The following JAZF1 variants were observed in gnomAD, a reference collection of about 807,000 sequenced individuals.
JAZF1 encodes the protein juxtaposed with another zinc finger protein 1.
Under a neutral mutation model 26.4 loss-of-function variants are expected in JAZF1, and 8 were observed. That is an observed-to-expected ratio of 0.30 (90% CI 0.18 to 0.55). The LOEUF is 0.55. Among genes scored for constraint, JAZF1 ranks in the 20% least tolerant of loss-of-function variants. The probability of loss-of-function intolerance (pLI) is 0.94; values close to 1 mark genes in which losing one functional copy is unlikely to be tolerated. For missense variants in JAZF1, 199 were observed against 322.0 expected (o/e 0.62, Z 2.92); for synonymous variants, 126 against 122.3 (o/e 1.03, Z -0.20).
intron 1 of JAZF1, among the ~76,000 whole-genome samples, chr7:28,021,608 G>A (rs1392773573): frequency 1.3e-5 from 2 of 152,180 alleles, no homozygotes. Context: ...TGTGGACGTA[G>A]GACAAACAAA....
intron 3 of JAZF1, among the ~76,000 whole-genome samples, chr7:27,861,399 A>G (rs1202880954): frequency 6.6e-6 from 1 of 150,584 alleles, no homozygotes; most frequent in Admixed American, 6.6e-5. Context: ...TAATCCTCTC[A>G]TATTCTTATC....
At chr7:28,123,083 C>T (rs746845334) in intron 1 of JAZF1, among the ~76,000 whole-genome samples, 1 of 152,118 alleles carries the variant, frequency 6.6e-6, no homozygotes, top group African/African-American at 2.4e-5. Context: ...TTTCCAGCTA[C>T]GTCACCCTGC....
intron 1 of JAZF1, among the ~76,000 whole-genome samples, chr7:28,126,266 G>C (rs1443753048): frequency 1.3e-5 from 2 of 152,174 alleles, no homozygotes; most frequent in African/African-American, 4.8e-5. Flanking sequence ...GCCAGGCAAT[G>C]ATCTTAGGGA....
intron 2 of JAZF1, among the ~76,000 whole-genome samples, chr7:27,935,587 G>A (rs1483371790): frequency 6.6e-6 from 1 of 152,164 alleles, no homozygotes; most frequent in East Asian, 1.9e-4. Flanking sequence ...TGGTTTGAGA[G>A]ATGACAAAAA....
Position 28,045,320 on chromosome 7 carries a change from A to T in JAZF1, c.116-53339T>A, listed in dbSNP as rs527964920. 5.9e-5 allele frequency among the ~76,000 whole-genome samples: 9 copies of T among 152,296 alleles called. No homozygotes were observed. The South Asian group carries it at 6.2e-4, about 11-fold the overall frequency. ...TTTCTTCTTCACCCAATTCAACCCAACCTGAATAACAAAAGAAGGGGAAGC... is the reference window on the plus strand; with the variant it reads ...TTTCTTCTTCACCCAATTCAACCCATCCTGAATAACAAAAGAAGGGGAAGC... On this transcript the variant is annotated intron_variant, in intron 1 of 4. Transcript: ENST00000283928.
chr7:28,009,960 G>A (rs1039194748), intron 1 of JAZF1, among the ~76,000 whole-genome samples: 17 of 152,178 alleles, frequency 1.1e-4, no homozygotes, highest in Admixed American at 1.3e-4. Flanking sequence ...TACATGATAA[G>A]AGATTTAGGT....
At chr7:27,989,352 G>T (rs115716454) in intron 2 of JAZF1, among the ~76,000 whole-genome samples, 3,605 of 152,208 alleles carry the variant, frequency 0.024, 138 homozygotes, top group African/African-American at 0.08. Context: ...AGAAACCTAG[G>T]CAATAGCATT....
chr7:27,896,681 C>G lies in JAZF1; in HGVS notation c.189-1265G>C, dbSNP rs145374744. Among the ~76,000 whole-genome samples, 237 of 152,336 alleles carry G rather than the reference C, an allele frequency of 1.6e-3. 2 individuals are homozygous for G. Among genetic ancestry groups the G allele is most frequent in the African/African-American group, 5.4e-3 (223 of 41,574 alleles). On this transcript the variant is annotated intron_variant, in intron 2 of 4. Coordinates refer to ENST00000283928, the MANE Select transcript of JAZF1 (RefSeq NM_175061.4). ...GGAAGTCAACAGATAGTTCTAATACCTGGCGAAAGCTTGAAGTCAATTAAA... is the reference window on the plus strand; with the variant it reads ...GGAAGTCAACAGATAGTTCTAATACGTGGCGAAAGCTTGAAGTCAATTAAA...
At chr7:27,912,428 G>A (rs1784372107) in intron 2 of JAZF1, among the ~76,000 whole-genome samples, 2 of 152,138 alleles carry the variant, frequency 1.3e-5, no homozygotes, top group African/African-American at 4.8e-5. Flanking sequence ...TTCTCTTGGA[G>A]AGGGTGAGAA....
intron 2 of JAZF1, among the ~76,000 whole-genome samples, chr7:27,912,826 G>A (rs1784380805): frequency 6.6e-6 from 1 of 152,054 alleles, no homozygotes; most frequent in African/African-American, 2.4e-5. Flanking sequence ...CAAACAGAAG[G>A]CCAGAGTTGC....
At chr7:28,158,360 T>C (rs1783226213) in intron 1 of JAZF1, among the ~76,000 whole-genome samples, 1 of 152,190 alleles carries the variant, frequency 6.6e-6, no homozygotes, top group East Asian at 1.9e-4. Flanking sequence ...TAAGCCCTTT[T>C]GGCCTTCCTG....
intron 3 of JAZF1, among the ~76,000 whole-genome samples, chr7:27,845,249 G>A (rs1782997911): frequency 6.6e-6 from 1 of 152,226 alleles, no homozygotes; most frequent in Admixed American, 6.5e-5. Flanking sequence ...GGGGCCCAGA[G>A]TGGGCATCTG....
At chr7:27,924,560 C>G (rs1178362700) in intron 2 of JAZF1, among the ~76,000 whole-genome samples, 1 of 152,148 alleles carries the variant, frequency 6.6e-6, no homozygotes, top group East Asian at 1.9e-4. Context: ...TGAATTAGTA[C>G]CCATGAAGTA....
rs147611931 is a variant in JAZF1 at position 28,163,051 on chromosome 7, T to C, written c.115+17412A>G. Among the ~76,000 whole-genome samples the C allele has an allele frequency of 7.7e-3, 1,167 of 152,348 alleles. 61 individuals carry two copies. The highest frequency in any genetic ancestry group is 0.067 in the Admixed American group (1,023 of 15,302). On this transcript the variant is annotated intron_variant, in intron 1 of 4. Transcript: ENST00000283928. Reference sequence around the variant, plus strand: ...AATTTAGTGAGGAGAAACAGGAAGATACTGGAATAACAATAATAGAATGCT... The same window carrying C: ...AATTTAGTGAGGAGAAACAGGAAGACACTGGAATAACAATAATAGAATGCT...
intron 2 of JAZF1, among the ~76,000 whole-genome samples, chr7:27,979,727 C>T (rs1272961415): frequency 2.0e-5 from 3 of 152,124 alleles, no homozygotes; most frequent in Non-Finnish European, 4.4e-5. Flanking sequence ...CCCGAATCCC[C>T]TGCCTCTCCC....
At chr7:28,094,139 A>C (rs755601318) in intron 1 of JAZF1, among the ~76,000 whole-genome samples, 2 of 152,210 alleles carry the variant, frequency 1.3e-5, no homozygotes, top group Non-Finnish European at 2.9e-5. Flanking sequence ...AATATGCATA[A>C]ATCAGCAATG....
chr7:27,843,766 C>G (rs1045094724), intron 3 of JAZF1: 1 of 152,282 alleles, frequency 6.6e-6, no homozygotes, highest in African/African-American at 2.4e-5. Flanking sequence ...CCTCTCTGAG[C>G]TTCAAATTGC....
intron 1 of JAZF1, among the ~76,000 whole-genome samples, chr7:28,055,881 C>T (rs150479830): frequency 1.2e-3 from 181 of 152,298 alleles, no homozygotes; most frequent in African/African-American, 3.9e-3. Context: ...GAAATTGAAG[C>T]TTGATGATGT....
intron 2 of JAZF1, among the ~76,000 whole-genome samples, chr7:27,930,230 C>A (rs1784667599): frequency 6.6e-6 from 1 of 152,130 alleles, no homozygotes; most frequent in Non-Finnish European, 1.5e-5. Context: ...CTCCTGACCT[C>A]ATGATCCGCC....
Sources: allele counts gnomAD v4.1 joint callset (sites outside exome capture counted in the v4.1 genomes callset), GRCh38; gene constraint gnomAD v4.1.1; transcripts MANE v1.5; gene names NCBI Gene and HGNC (gene_info 2026-07-23, HGNC 2026-07-21).